Variants in RGS6 observed in about 807,000 individuals in gnomAD.
RGS6 encodes the protein regulator of G-protein signaling 6.
A neutral mutation model predicts 78.5 loss-of-function variants in RGS6; 30 were observed. The observed-to-expected ratio is 0.38, with a 90% CI of 0.29 to 0.52. The LOEUF (loss-of-function observed/expected upper bound fraction) is 0.52, where lower values mean the gene tolerates loss of function less well. Ranked by LOEUF, RGS6 falls within the 20% of genes least tolerant of loss-of-function variation. The pLI is 0.85. For synonymous variants in RGS6, 206 were observed against 206.0 expected (o/e 1.00, Z 0.00); for missense variants, 495 against 609.7 (o/e 0.81, Z 1.98).
intron 8 of RGS6, among the ~76,000 whole-genome samples, chr14:72,471,545 C>T (rs1254147120): frequency 6.6e-6 from 1 of 152,216 alleles, no homozygotes; most frequent in Non-Finnish European, 1.5e-5. Context: ...TGTTGCAGCC[C>T]GTGGCCTGGA....
chr14:71,984,597 A>T (rs1330571900), intron 2 of RGS6, among the ~76,000 whole-genome samples: 1 of 152,070 alleles, frequency 6.6e-6, no homozygotes, highest in Non-Finnish European at 1.5e-5. Context: ...GGTGGAAAAG[A>T]GCCAAAAACT....
At chr14:71,887,232 G>A in the RGS6 span, among the ~76,000 whole-genome samples, 3 of 152,112 alleles carry the variant, frequency 2.0e-5, no homozygotes, top group African/African-American at 4.8e-5. Context: ...GAGGATGTAC[G>A]TCACCTCAGG....
chr14:72,586,732 C>A, the RGS6 span, among the ~76,000 whole-genome samples: 1 of 152,166 alleles, frequency 6.6e-6, no homozygotes. Flanking sequence ...TCTGCAGCAT[C>A]TCAAATGGCC....
At chr14:72,198,334 A>G (rs548338787) in intron 2 of RGS6, among the ~76,000 whole-genome samples, 2 of 152,274 alleles carry the variant, frequency 1.3e-5, no homozygotes, top group Non-Finnish European at 2.9e-5. Flanking sequence ...GCCTGGCGAC[A>G]GAGCAAAACC....
At chr14:72,310,816 G>T (rs1407237064) in intron 2 of RGS6, among the ~76,000 whole-genome samples, 1 of 152,136 alleles carries the variant, frequency 6.6e-6, no homozygotes, top group Non-Finnish European at 1.5e-5. Context: ...TAACAATCCA[G>T]ACCCTTCCAG....
chr14:72,366,208 T>C (rs2082416194), intron 3 of RGS6, among the ~76,000 whole-genome samples: 1 of 152,168 alleles, frequency 6.6e-6, no homozygotes. Flanking sequence ...TCTTCCCTGC[T>C]CAGATCAGGA....
At chr14:71,883,868 C>T in the RGS6 span, among the ~76,000 whole-genome samples, 1 of 148,430 alleles carries the variant, frequency 6.7e-6, no homozygotes, top group Non-Finnish European at 1.5e-5. Context: ...GGGGAAGTAT[C>T]CTAGGTTTTG....
intron 3 of RGS6, among the ~76,000 whole-genome samples, chr14:72,385,873 C>G (rs1168201651): frequency 1.3e-5 from 2 of 152,194 alleles, no homozygotes; most frequent in Non-Finnish European, 2.9e-5. Context: ...TAGTTGCAAT[C>G]TGGTACACTT....
chr14:72,459,085 A>C (rs893536793), intron 5 of RGS6, among the ~76,000 whole-genome samples: 6 of 152,180 alleles, frequency 3.9e-5, no homozygotes, highest in Non-Finnish European at 8.8e-5. Context: ...ATCTGAACCT[A>C]AGTGAGCCTG....
chr14:72,492,494 G>A (rs977437811), intron 12 of RGS6, among the ~76,000 whole-genome samples: 12 of 152,298 alleles, frequency 7.9e-5, no homozygotes, highest in Middle Eastern at 3.4e-3. Context: ...TGCAGGAGAG[G>A]CATTCTAGTT....
chr14:72,127,222 T>C (rs1195515210), intron 2 of RGS6, among the ~76,000 whole-genome samples: 4 of 152,164 alleles, frequency 2.6e-5, no homozygotes, highest in African/African-American at 9.7e-5. Flanking sequence ...AATATTTAGA[T>C]ATAAAGTCAC....
intron 3 of RGS6, among the ~76,000 whole-genome samples, chr14:72,354,299 ACTT>A (rs1226840983): frequency 9.9e-5 from 15 of 151,974 alleles, no homozygotes; most frequent in African/African-American, 3.6e-4. Flanking sequence ...TAGACTGCTG[ACTT>A]CTTCTTGTAT....
the RGS6 span, among the ~76,000 whole-genome samples, chr14:71,906,345 G>A: frequency 6.6e-6 from 1 of 152,146 alleles, no homozygotes; most frequent in Non-Finnish European, 1.5e-5. Flanking sequence ...TCACCTCCTG[G>A]CTCCAGATCC....
chr14:72,086,670 A>C (rs11158944), intron 2 of RGS6, among the ~76,000 whole-genome samples: 24,055 of 152,144 alleles, frequency 0.16, 2,061 homozygotes, highest in Non-Finnish European at 0.18. Flanking sequence ...GCAACTGTGA[A>C]CCACCCTGCC....
At chr14:72,120,232 G>T (rs906842754) in intron 2 of RGS6, among the ~76,000 whole-genome samples, 14 of 152,170 alleles carry the variant, frequency 9.2e-5, no homozygotes, top group Non-Finnish European at 1.8e-4. Flanking sequence ...GAGCTAAAAG[G>T]AGCACTAGAG....
chr14:72,232,635 T>C (rs1297987546), intron 2 of RGS6, among the ~76,000 whole-genome samples: 1 of 152,094 alleles, frequency 6.6e-6, no homozygotes, highest in Non-Finnish European at 1.5e-5. Context: ...GTGTCCTCAA[T>C]GGAGAGGCGG....
chr14:72,440,402 T>C (rs1319464507), intron 3 of RGS6, among the ~76,000 whole-genome samples: 1 of 151,248 alleles, frequency 6.6e-6, no homozygotes, highest in East Asian at 2.0e-4. Context: ...TGTTGAAATT[T>C]GACCTACACT....
At chr14:72,017,753 G>C (rs140817755) in intron 2 of RGS6, among the ~76,000 whole-genome samples, 2 of 151,946 alleles carry the variant, frequency 1.3e-5, no homozygotes, top group East Asian at 3.9e-4. Context: ...GCCTTTTATT[G>C]GGTTAAGAAA....
chr14:72,303,693 C>T (rs541011116), intron 2 of RGS6, among the ~76,000 whole-genome samples: 2 of 152,236 alleles, frequency 1.3e-5, no homozygotes, highest in East Asian at 3.9e-4. Context: ...CCTCAATCAA[C>T]TAATTTCCTT....
Sources: gnomAD v4.1 joint callset for allele counts (sites outside exome capture counted in the v4.1 genomes callset) on GRCh38, gnomAD v4.1.1 for gene constraint, MANE v1.5 for transcripts, NCBI Gene and HGNC (gene_info 2026-07-23, HGNC 2026-07-21) for gene names.